The following MIA3 variants were observed in gnomAD, a reference collection of about 807,000 sequenced individuals.
MIA3 encodes transport and Golgi organization protein 1 homolog.
In MIA3, 90 loss-of-function variants were observed where a neutral mutation model predicts 192.4. The ratio of observed to expected loss-of-function variants is 0.47; its 90% CI spans 0.39 to 0.56. MIA3 has a LOEUF of 0.56. MIA3 is among the 20% of genes least tolerant of loss of function. The pLI is 0.00. For missense variants in MIA3, 2,123 were observed against 2,269.4 expected (o/e 0.94, Z 1.31); for synonymous variants, 740 against 792.8 (o/e 0.93, Z 1.12).
At chr1:222,659,878 T>C in intron 22 of MIA3, 28 bp from the exon 23 acceptor site, 1 of 1,596,034 alleles carries the variant, frequency 6.3e-7, no homozygotes, top group Non-Finnish European at 8.6e-7. Context: ...TTTAACTCTT[T>C]CTTAAATATT....
chr1:222,621,235 T>C lies in MIA3; in HGVS notation c.210T>C (p.Asp70=). The C allele has an allele frequency of 6.2e-7, 1 of 1,613,902 alleles. No homozygotes were observed. Among genetic ancestry groups the C allele is most frequent in the African/African-American group, 1.3e-5 (1 of 75,028 alleles). Residue 70 remains aspartate (D), a synonymous_variant, in exon 2 of 28, where the codon GAT becomes GAC. Transcript: ENST00000344922. ...GTTTTGTGAATTTTAAAAAAGGTGA[T>C]CCTGTATATGTTTACTATAAACTGG... ...DCRFVNFKKG[D]PVYVYYKLAR...
Position 222,665,392 on chromosome 1 carries a change from C to T in MIA3, c.5497C>T (p.Arg1833Trp), listed in dbSNP as rs755714256. ...PGRRDLPLHP[R>W]GFLPGHAPFR... ...AAGACGGGACCTGCCTCTCCACCCTCGGGGATTTTTACCTGGACACGCACC... is the reference window on the plus strand; with the variant it reads ...AAGACGGGACCTGCCTCTCCACCCTTGGGGATTTTTACCTGGACACGCACC... Residue 1833 changes from arginine to tryptophan, a missense_variant, in exon 28 of 28, where the codon CGG (arginine) becomes TGG (tryptophan). Arg to Trp is a moderately radical substitution (Grantham distance 101). Coordinates refer to ENST00000344922, the MANE Select transcript of MIA3 (RefSeq NM_198551.4). 1.8e-5 allele frequency: 29 copies of T among 1,613,822 alleles called. No individual in the cohort carries two copies. Among genetic ancestry groups the T allele is most frequent in the South Asian group, 1.4e-4 (13 of 91,060 alleles).
intron 2 of MIA3, among the ~76,000 whole-genome samples, chr1:222,623,361 T>C (rs1335870707): frequency 6.6e-6 from 1 of 151,988 alleles, no homozygotes; most frequent in Non-Finnish European, 1.5e-5. Context: ...GGTAAATGTA[T>C]TGTATTTCCC....
intron 3 of MIA3, 88 bp from the exon 4 acceptor site, chr1:222,627,487 C>A (rs1397284863): frequency 3.4e-6 from 4 of 1,165,250 alleles, no homozygotes; most frequent in Non-Finnish European, 3.7e-6. Flanking sequence ...AACGTGAATT[C>A]GAGATTATCT....
Position 222,659,486 on chromosome 1 carries a change from G to A in MIA3, c.4743G>A (p.Gln1581=). The change falls in exon 20 of 28, where the codon CAG becomes CAA. Residue 1581 remains glutamine (Q), a synonymous_variant. Transcript: ENST00000344922. The part of the protein sequence containing the change: ...RRIEEMEDEL[Q]KTERSFKNQI... ...TTGAAGAAATGGAGGATGAATTACA[G>A]AAGACAGAGCGGTCATTTAAAAACC... 1 of 1,613,968 alleles carries A rather than the reference G, an allele frequency of 6.2e-7. No individual in the cohort carries two copies. Among genetic ancestry groups the A allele is most frequent in the South Asian group, 1.1e-5 (1 of 91,084 alleles).
rs1255281986 is a variant in MIA3, at chr1:222,653,276, G to A, written c.4258G>A (p.Glu1420Lys). Residue 1420 changes from glutamate (E) to lysine (K), a missense_variant, in exon 15 of 28, where the codon GAA becomes AAA. Coordinates refer to ENST00000344922, the MANE Select transcript of MIA3 (RefSeq NM_198551.4). The part of the protein sequence containing the change: ...TQLNLLECES[E>K]SEGQNKGGND... Reference sequence around the variant, plus strand: ...GTTGAATCTGTTAGAGTGTGAATCTGAATCTGAGGGTCAAAATAAAGGTGG... The same window carrying A: ...GTTGAATCTGTTAGAGTGTGAATCTAAATCTGAGGGTCAAAATAAAGGTGG... 1.2e-6 allele frequency: 2 copies of A among 1,614,014 alleles called. No individual in the cohort carries two copies. The highest frequency in any genetic ancestry group is 1.7e-5 in the Admixed American group (1 of 59,998).
chr1:222,618,264 G>T, intron 1 of MIA3, 21 bp downstream of exon 1: 1 of 1,382,514 alleles, frequency 7.2e-7, no homozygotes. Context: ...TGGAGGGGCG[G>T]CTGGCCTCGG....
rs1452974745 is a variant in MIA3 at position 222,654,396 on chromosome 1, C to G, written c.4385C>G (p.Thr1462Ser). Residue 1462 changes from threonine to serine, a missense_variant, in exon 17 of 28, where the codon ACT (threonine) becomes AGT (serine). Physicochemically the swap from Thr to Ser is moderately conservative, Grantham distance 58. Around this residue, in one of 3 missense-constraint regions of MIA3, gnomAD observed 762 missense variants for 856.4 expected, o/e 0.89. Coordinates refer to ENST00000344922, the MANE Select transcript of MIA3 (RefSeq NM_198551.4). ...CTCTTCTGCAATTTTTAGACACAGA[C>G]TGCAATATCGGTAGTTGAAGAGGAT... ...KQMMDVSRTQ[T>S]AISVVEEDLK... 6.2e-7 allele frequency: 1 copy of G among 1,613,508 alleles called. No individual in the cohort carries two copies. The highest frequency in any genetic ancestry group is 1.7e-5 in the Admixed American group (1 of 59,992).
rs758811247 is a variant in MIA3 at position 222,628,947 on chromosome 1, C to G, written c.1727C>G (p.Ser576Cys). 3.7e-6 allele frequency: 6 copies of G among 1,614,140 alleles called. No homozygotes were observed. The Admixed American group carries it at 8.3e-5, about 22-fold the overall frequency. ...QMNDRKIQQE[S>C]LGSAPLMGDD... ...AATGACAGAAAGATTCAACAGGAAT[C>G]CCTGGGTAGTGCACCACTCATGGGA... The change falls in exon 4 of 28, where the codon TCC (serine) becomes TGC (cysteine). Residue 576 changes from serine to cysteine, a missense_variant. This residue lies in a region of MIA3 where 1,357 missense variants were observed against 1,396.1 expected (regional missense o/e 0.97). Transcript: ENST00000344922.
At chr1:222,647,038 A>T (rs1663180769) in intron 7 of MIA3, among the ~76,000 whole-genome samples, 1 of 152,194 alleles carries the variant, frequency 6.6e-6, no homozygotes, top group African/African-American at 2.4e-5. Context: ...AAATGATAAA[A>T]ATTCTTATAT....
rs567366904 is a variant in MIA3, at chr1:222,648,728, A to G, written c.3610-101A>G. 2.2e-4 allele frequency: 167 copies of G among 755,816 alleles called. 1 individual carries two copies. In the African/African-American group the frequency reaches 2.9e-3, roughly 13 times the overall value. The allele number at this position is 755,816 out of a possible 1,614,324, so 46.8% of individuals were successfully genotyped here. ...CATTATGCTAAACCAAAGTTTTATTAAATTCTCATTTGGTTACAATTCTGA... is the reference window on the plus strand; with the variant it reads ...CATTATGCTAAACCAAAGTTTTATTGAATTCTCATTTGGTTACAATTCTGA... On this transcript the variant is annotated intron_variant, in intron 7 of 27. Coordinates refer to ENST00000344922, the MANE Select transcript of MIA3 (RefSeq NM_198551.4).
rs1258583023 is a variant in MIA3, at chr1:222,630,128, A to G, written c.2908A>G (p.Asn970Asp). 1.2e-6 allele frequency: 2 copies of G among 1,614,110 alleles called. No individual in the cohort carries two copies. Among genetic ancestry groups the G allele is most frequent in the African/African-American group, 1.3e-5 (1 of 74,944 alleles). Residue 970 changes from asparagine to aspartate, a missense_variant, in exon 4 of 28, where the codon AAT (asparagine) becomes GAT (aspartate). Coordinates refer to ENST00000344922, the MANE Select transcript of MIA3 (RefSeq NM_198551.4). Reference protein sequence around the residue: ...KSAQQESLPYNMEKVLDKVFR... With the variant: ...KSAQQESLPYDMEKVLDKVFR... ...AGCGCAGCAGGAGAGCCTGCCCTAT[A>G]ATATGGAAAAAGTCCTAGATAAGGT... is the stretch of plus-strand genomic sequence containing the variant.
chr1:222,650,396 G>GTTTT lies in MIA3; in HGVS notation c.3720+27_3720+30dup. ...TGAACAGAAGGTATGATTATTCTTT[G>GTTTT]TTTTTTTTTTTTTTCATGGTCCCAG... On this transcript the variant is annotated intron_variant, in intron 9 of 27. Transcript: ENST00000344922. 1.7e-6 allele frequency: 2 copies of GTTTT among 1,203,996 alleles called. No homozygotes were observed. The highest frequency in any genetic ancestry group is 2.3e-6 in the Non-Finnish European group (2 of 855,708). The allele number at this position is 1,203,996 out of a possible 1,614,324, so 74.6% of individuals were successfully genotyped here. A position where few individuals can be genotyped will look rare whatever the true frequency, so the allele number is the denominator to read the frequency against.
In MIA3 at chr1:222,622,091, A is replaced by G. The variant is rs530731840; in HGVS notation, c.267+799A>G. On this transcript the variant is annotated intron_variant, in intron 2 of 27. Coordinates refer to ENST00000344922, the MANE Select transcript of MIA3 (RefSeq NM_198551.4). The stretch of plus-strand genomic sequence containing the variant: ...AGTGCTGGGATTACAGGCGTGAGCC[A>G]CCGCAACCAGCCTCTTGTTTGTATT... Among the ~76,000 whole-genome samples the G allele has an allele frequency of 9.2e-5, 14 of 152,288 alleles. No homozygotes were observed. The South Asian group carries it at 2.9e-3, about 32-fold the overall frequency.
At chr1:222,662,502 T>A in intron 26 of MIA3, 170 bp downstream of exon 26, 1 of 1,430,732 alleles carries the variant, frequency 7.0e-7, no homozygotes, top group Admixed American at 2.7e-5. Context: ...TTCCCAGCAT[T>A]ACATCTTTGG....
chr1:222,653,994 G>C (rs561768798), intron 15 of MIA3, among the ~76,000 whole-genome samples: 1 of 152,316 alleles, frequency 6.6e-6, no homozygotes, highest in Non-Finnish European at 1.5e-5. Context: ...ATGGAAGAAA[G>C]AGCTTTATCT....
chr1:222,644,173 G>C, intron 6 of MIA3: 1 of 641,186 alleles, frequency 1.6e-6, no homozygotes, highest in Non-Finnish European at 2.2e-6. Context: ...CTTTTTACTG[G>C]GATTCTTCCG....
At position 222,618,256 on chromosome 1, in the gene MIA3, GA is replaced by G; in HGVS notation, c.133+14del. The G allele has an allele frequency of 2.1e-6, 3 of 1,431,024 alleles. No individual in the cohort carries two copies. Among genetic ancestry groups the G allele is most frequent in the Non-Finnish European group, 1.9e-6 (2 of 1,079,970 alleles). The allele number at this position is 1,431,024 out of a possible 1,614,324, so 88.6% of individuals were successfully genotyped here. On this transcript the variant is annotated intron_variant, in intron 1 of 27. Coordinates refer to ENST00000344922, the MANE Select transcript of MIA3 (RefSeq NM_198551.4). The stretch of plus-strand genomic sequence containing the variant: ...GACGAATGCAGCAGTGAGTGCGCTG[GA>G]GGGGCGGCTGGCCTCGGGGCGGCTG...
intron 26 of MIA3, chr1:222,663,169 G>A (rs1664109765): frequency 6.6e-6 from 1 of 152,226 alleles, no homozygotes; most frequent in Non-Finnish European, 1.5e-5. Flanking sequence ...ACTAGTGAAT[G>A]AAGATGAATA....
Sources: gnomAD v4.1 joint callset for allele counts (sites outside exome capture counted in the v4.1 genomes callset) on GRCh38, gnomAD v4.1.1 for gene constraint, gnomAD v4.1.1 regional missense constraint, MANE v1.5 for transcripts, NCBI Gene and HGNC (gene_info 2026-07-23, HGNC 2026-07-21) for gene names.